Variants in ZNF503 observed in about 807,000 individuals in gnomAD.
The protein encoded by ZNF503 is zinc finger protein 503, also known as NocA-like zinc finger 2.
Under a neutral mutation model 34.4 loss-of-function variants are expected in ZNF503, and 15 were observed. That is an observed-to-expected ratio of 0.44 (90% CI 0.29 to 0.67). The LOEUF is 0.67. Among genes scored for constraint, ZNF503 ranks in the 30% least tolerant of loss-of-function variants. The pLI, the probability that ZNF503 is intolerant of heterozygous loss-of-function variation, is 0.13. For missense variants in ZNF503, 1,007 were observed against 926.8 expected (o/e 1.09, Z -1.12); for synonymous variants, 580 against 456.8 (o/e 1.27, Z -3.44).
chr10:75,309,380 G>A, the ZNF503 span, among the ~76,000 whole-genome samples: 1 of 152,148 alleles, frequency 6.6e-6, no homozygotes, highest in Non-Finnish European at 1.5e-5. Flanking sequence ...TTTGTGAATG[G>A]AAGAGTCAAT....
chr10:75,364,123 AC>A, the ZNF503 span, among the ~76,000 whole-genome samples: 1 of 152,182 alleles, frequency 6.6e-6, no homozygotes, highest in East Asian at 1.9e-4. Flanking sequence ...CAATATATTG[AC>A]TTTTTAAAAA....
chr10:75,330,695 AC>A, the ZNF503 span, among the ~76,000 whole-genome samples: 2 of 151,312 alleles, frequency 1.3e-5, no homozygotes, highest in Non-Finnish European at 3.0e-5. Context: ...CAGTTGTAAT[AC>A]CTTTTTGATT....
the ZNF503 span, among the ~76,000 whole-genome samples, chr10:75,287,355 C>T: frequency 2.6e-5 from 4 of 152,116 alleles, no homozygotes; most frequent in South Asian, 6.2e-4. Context: ...ACACTATGTT[C>T]TCTCCCATCT....
the ZNF503 span, among the ~76,000 whole-genome samples, chr10:75,289,591 C>T: frequency 0.79 from 119,264 of 151,826 alleles, 47,937 homozygotes; most frequent in African/African-American, 0.95. Context: ...ATTATTATTA[C>T]TATTATTATT....
At chr10:75,382,690 T>C in the ZNF503 span, 1 of 345,756 alleles carries the variant, frequency 2.9e-6, no homozygotes, top group Non-Finnish European at 5.7e-6. Context: ...CAAAAGTGGT[T>C]TTCTCTCTTT....
chr10:75,381,355 T>C, the ZNF503 span, among the ~76,000 whole-genome samples: 1 of 152,122 alleles, frequency 6.6e-6, no homozygotes, highest in African/African-American at 2.4e-5. Flanking sequence ...CCCCAGTAGC[T>C]GGGACTACAG....
At chr10:75,397,425 C>T (rs111240263), downstream of ZNF503, among the ~76,000 whole-genome samples, 115 of 152,246 alleles carry the variant, frequency 7.6e-4, 1 homozygote, top group African/African-American at 2.6e-3. Flanking sequence ...GAGGCCCCGG[C>T]CCAGGCCCAG....
At chr10:75,324,330 T>C in the ZNF503 span, among the ~76,000 whole-genome samples, 4 of 151,178 alleles carry the variant, frequency 2.6e-5, no homozygotes, top group East Asian at 7.7e-4. Flanking sequence ...GTTTTTCTGT[T>C]TTTTTTTTGA....
downstream of ZNF503, among the ~76,000 whole-genome samples, chr10:75,395,859 T>C (rs1465629340): frequency 1.3e-5 from 2 of 152,178 alleles, no homozygotes; most frequent in African/African-American, 4.8e-5. This position sits in a 1 kb window ranked among gnomAD's most constrained non-coding sequence, Gnocchi z 4.4. Context: ...AGAAGGGGCA[T>C]GAAGGCACGA....
the ZNF503 span, among the ~76,000 whole-genome samples, chr10:75,308,891 G>A: frequency 2.0e-5 from 3 of 152,168 alleles, no homozygotes; most frequent in African/African-American, 7.2e-5. Flanking sequence ...ACCCAGGCCA[G>A]AGTGCAGTGG....
At chr10:75,377,044 G>A in the ZNF503 span, among the ~76,000 whole-genome samples, 429 of 152,300 alleles carry the variant, frequency 2.8e-3, 3 homozygotes, top group Non-Finnish European at 4.1e-3. Flanking sequence ...GCATCACCTG[G>A]GTGCTTGCTA....
the ZNF503 span, chr10:75,280,092 G>A: frequency 6.6e-6 from 1 of 152,044 alleles, no homozygotes; most frequent in Non-Finnish European, 1.5e-5. Context: ...CCTTTGTCAA[G>A]ATGGATAATC....
Position 75,398,715 on chromosome 10 carries a change from C to T in ZNF503, c.*34G>A, listed in dbSNP as rs535101391. On this transcript the variant is annotated 3_prime_UTR_variant, in exon 2 of 2. Coordinates refer to ENST00000372524, the MANE Select transcript of ZNF503 (RefSeq NM_032772.6). ...CCCTGGACTCCTCCCCTCCCCCTCT[C>T]CCTCCTCTCCCTCGCTCGCCCTCCC... 8.1e-6 allele frequency: 11 copies of T among 1,354,058 alleles called. No homozygotes were observed. In the East Asian group the frequency reaches 1.7e-4, roughly 21 times the overall value. 83.9% of individuals were successfully genotyped at this position (1,354,058 alleles called of 1,614,324 possible).
At chr10:75,337,194 C>T in the ZNF503 span, among the ~76,000 whole-genome samples, 866 of 151,880 alleles carry the variant, frequency 5.7e-3, 10 homozygotes, top group African/African-American at 0.019. Flanking sequence ...CGTGGTGGTG[C>T]GTGCCTGTAG....
the ZNF503 span, among the ~76,000 whole-genome samples, chr10:75,359,579 C>A: frequency 6.6e-6 from 1 of 152,192 alleles, no homozygotes; most frequent in African/African-American, 2.4e-5. Context: ...ACAAGAGCAA[C>A]CAGATTCTCC....
At chr10:75,372,771 G>T in the ZNF503 span, among the ~76,000 whole-genome samples, 1 of 152,180 alleles carries the variant, frequency 6.6e-6, no homozygotes. Context: ...TCAGGTTTGG[G>T]AGAGTTCAGG....
chr10:75,335,408 C>G, the ZNF503 span, among the ~76,000 whole-genome samples: 1 of 152,146 alleles, frequency 6.6e-6, no homozygotes, highest in Non-Finnish European at 1.5e-5. Context: ...TGTTCTCAGC[C>G]CTGGTAGAAT....
At chr10:75,346,302 T>C in the ZNF503 span, among the ~76,000 whole-genome samples, 1 of 152,172 alleles carries the variant, frequency 6.6e-6, no homozygotes, top group Non-Finnish European at 1.5e-5. Flanking sequence ...TGTCCTTAAA[T>C]AGATCCCTAT....
At chr10:75,339,049 G>A in the ZNF503 span, among the ~76,000 whole-genome samples, 10 of 152,114 alleles carry the variant, frequency 6.6e-5, no homozygotes, top group Non-Finnish European at 1.3e-4. Context: ...GAAACATGGT[G>A]GTGAAACCTC....
Sources: allele counts gnomAD v4.1 joint callset (sites outside exome capture counted in the v4.1 genomes callset), GRCh38; gene constraint gnomAD v4.1.1; non-coding constraint Gnocchi (gnomAD v3.1); transcripts MANE v1.5; gene names NCBI Gene and HGNC (gene_info 2026-07-23, HGNC 2026-07-21).